The following PCCA variants were observed in gnomAD, a reference collection of about 807,000 sequenced individuals.
PCCA encodes the protein propionyl-CoA carboxylase subunit alpha, also known as propionyl-CoA carboxylase alpha chain, mitochondrial.
PCCA carries 74 observed loss-of-function variants against 101.3 expected under a neutral mutation model. The observed-to-expected ratio is 0.73, with a 90% confidence interval of 0.61 to 0.89. The LOEUF (loss-of-function observed/expected upper bound fraction) is 0.89. PCCA is among the 40% of genes least tolerant of loss of function. The pLI is 0.00. For synonymous variants in PCCA, 294 were observed against 313.6 expected (o/e 0.94, Z 0.66); for missense variants, 891 against 907.0 (o/e 0.98, Z 0.23).
chr13:100,425,499 G>T, intron 19 of PCCA, 134 bp from the exon 20 acceptor site: 1 of 718,340 alleles, frequency 1.4e-6, no homozygotes, highest in Non-Finnish European at 2.6e-6. Flanking sequence ...GTCTTTCTTG[G>T]CTGGAGCAGT....
intron 5 of PCCA, 65 bp from the exon 6 acceptor site, chr13:100,157,222 C>T (rs1686298016): frequency 9.1e-7 from 1 of 1,100,222 alleles, no homozygotes; most frequent in Non-Finnish European, 1.4e-6. Flanking sequence ...ATGCACTGTA[C>T]ATTTTGCTTA....
At position 100,235,829 on chromosome 13, in the gene PCCA, C is replaced by T. The variant is rs1367838556; in HGVS notation, c.601-13C>T. 1.9e-6 allele frequency: 3 copies of T among 1,598,724 alleles called. No homozygotes were observed. Among genetic ancestry groups the T allele is most frequent in the South Asian group, 1.1e-5 (1 of 90,716 alleles). On this transcript the variant is annotated splice_polypyrimidine_tract_variant and intron_variant, in intron 7 of 23. Coordinates refer to ENST00000376285, the MANE Select transcript of PCCA (RefSeq NM_000282.4). ...ATGGGATTAATGTTGAGTCTCATTT[C>T]CTGCTTTTACAGGATGCAGAAGAAG...
chr13:100,521,330 A>C (rs564692410), intron 22 of PCCA, among the ~76,000 whole-genome samples: 3 of 152,322 alleles, frequency 2.0e-5, no homozygotes, highest in Non-Finnish European at 4.4e-5. Context: ...CCGAGCCGGC[A>C]GCGGGGCTGG....
intron 4 of PCCA, among the ~76,000 whole-genome samples, chr13:100,132,178 G>A (rs1477038753): frequency 1.4e-5 from 2 of 141,418 alleles, no homozygotes; most frequent in Non-Finnish European, 3.1e-5. Context: ...TTATCCTATA[G>A]TAATAGGATA....
At chr13:100,111,018 A>T (rs1212934694) in intron 2 of PCCA, among the ~76,000 whole-genome samples, 4 of 150,012 alleles carry the variant, frequency 2.7e-5, no homozygotes, top group Non-Finnish European at 5.9e-5. Context: ...TAAATTATTT[A>T]TTTATTTATT....
chr13:100,164,427 G>A (rs1450049040), intron 6 of PCCA, among the ~76,000 whole-genome samples: 3 of 152,180 alleles, frequency 2.0e-5, no homozygotes, highest in Non-Finnish European at 4.4e-5. Context: ...CAGTTACTAG[G>A]TAAAGCTGGT....
At chr13:100,114,459 C>T (rs1268827169) in intron 4 of PCCA, among the ~76,000 whole-genome samples, 7 of 152,046 alleles carry the variant, frequency 4.6e-5, no homozygotes, top group Non-Finnish European at 7.4e-5. Context: ...AAAAATTAGC[C>T]GCGTGTGGTG....
chr13:100,140,793 G>A (rs913610654), intron 4 of PCCA, among the ~76,000 whole-genome samples: 2 of 152,138 alleles, frequency 1.3e-5, no homozygotes, highest in African/African-American at 4.8e-5. Flanking sequence ...ATGGCCAGGG[G>A]TGTTTCTTGA....
chr13:100,141,919 A>G (rs2051917932), intron 4 of PCCA, among the ~76,000 whole-genome samples: 2 of 152,236 alleles, frequency 1.3e-5, no homozygotes, highest in East Asian at 3.8e-4. Flanking sequence ...AACATCAAAT[A>G]GTTGAATTAC....
intron 4 of PCCA, among the ~76,000 whole-genome samples, chr13:100,146,909 T>C (rs980366761): frequency 6.6e-6 from 1 of 151,616 alleles, no homozygotes; most frequent in Non-Finnish European, 1.5e-5. Context: ...TACCTGCAAA[T>C]TGGAACCATG....
At chr13:100,280,527 A>C (rs554839026) in intron 12 of PCCA, among the ~76,000 whole-genome samples, 2 of 151,998 alleles carry the variant, frequency 1.3e-5, no homozygotes, top group East Asian at 3.9e-4. Flanking sequence ...CACACCACAC[A>C]CACCTGTCTC....
chr13:100,455,955 C>G (rs2152934330), intron 21 of PCCA, among the ~76,000 whole-genome samples: 1 of 152,308 alleles, frequency 6.6e-6, no homozygotes, highest in African/African-American at 2.4e-5. Flanking sequence ...CCACCTCAGC[C>G]TCCCAAAGTG....
At chr13:100,090,018 T>A (rs2152195619) in intron 1 of PCCA, among the ~76,000 whole-genome samples, 1 of 152,360 alleles carries the variant, frequency 6.6e-6, no homozygotes, top group East Asian at 1.9e-4. Flanking sequence ...TAAGGTTTGT[T>A]GAGGCACTTG....
intron 20 of PCCA, among the ~76,000 whole-genome samples, chr13:100,432,704 G>A (rs1184649498): frequency 6.6e-6 from 1 of 152,130 alleles, no homozygotes; most frequent in Non-Finnish European, 1.5e-5. Flanking sequence ...AGGGTGAAGT[G>A]GAGATGGAGT....
At chr13:100,434,356 T>A (rs1275742476) in intron 20 of PCCA, among the ~76,000 whole-genome samples, 1 of 152,176 alleles carries the variant, frequency 6.6e-6, no homozygotes, top group Non-Finnish European at 1.5e-5. Flanking sequence ...CTTTGGGGTA[T>A]CATTTTCTGA....
chr13:100,285,782 C>G (rs192407902), intron 12 of PCCA, among the ~76,000 whole-genome samples: 23 of 152,312 alleles, frequency 1.5e-4, no homozygotes, highest in Non-Finnish European at 2.8e-4. Flanking sequence ...CCGAGATGAT[C>G]TCGTAGAAGT....
chr13:100,263,669 T>A (rs1176408896), intron 10 of PCCA, among the ~76,000 whole-genome samples: 1 of 152,166 alleles, frequency 6.6e-6, no homozygotes. Context: ...ATCAGTTGGA[T>A]GTTTTACAAC....
At chr13:100,264,136 G>T (rs200707223) in intron 10 of PCCA, among the ~76,000 whole-genome samples, 1 of 76,656 alleles carries the variant, frequency 1.3e-5, no homozygotes, top group African/African-American at 4.5e-5. Flanking sequence ...TATATATATG[G>T]TATCTGTATA....
intron 8 of PCCA, 104 bp downstream of exon 8, chr13:100,235,982 A>G (rs758822468): frequency 3.7e-5 from 29 of 777,584 alleles, no homozygotes; most frequent in South Asian, 5.7e-5. Flanking sequence ...ATACTTTAAT[A>G]GTTTTAGATT....
Sources: gnomAD v4.1 joint callset for allele counts (sites outside exome capture counted in the v4.1 genomes callset) on GRCh38, gnomAD v4.1.1 for gene constraint, MANE v1.5 for transcripts, NCBI Gene and HGNC (gene_info 2026-07-23, HGNC 2026-07-21) for gene names.